The following CCDC191 variants were observed in gnomAD, a reference collection of about 807,000 sequenced individuals.
CCDC191 encodes the protein coiled-coil domain-containing protein 191.
A neutral mutation model predicts 114.0 loss-of-function variants in CCDC191; 99 were observed. The observed-to-expected ratio is 0.87, with a 90% CI of 0.74 to 1.03. The LOEUF is 1.03. Ranked by LOEUF, CCDC191 falls within the 50% of genes least tolerant of loss-of-function variation. The pLI is 0.00. For missense variants in CCDC191, 973 were observed against 1,087.0 expected (o/e 0.90, Z 1.47); for synonymous variants, 351 against 376.0 (o/e 0.93, Z 0.77).
At chr3:114,011,495 G>C (rs116732533) in intron 8 of CCDC191, among the ~76,000 whole-genome samples, 14 of 152,220 alleles carry the variant, frequency 9.2e-5, no homozygotes, top group Admixed American at 9.2e-4. Flanking sequence ...TAAGTAAAAG[G>C]CTTACAAAAA....
chr3:113,968,880 G>C (rs921252751), intron 16 of CCDC191, among the ~76,000 whole-genome samples: 3 of 152,072 alleles, frequency 2.0e-5, no homozygotes, highest in African/African-American at 7.2e-5. Flanking sequence ...AACACCTGAG[G>C]CTGGGTAATT....
In CCDC191 at chr3:113,978,722, AAGCAGTG is replaced by A. The variant is rs1197328006; in HGVS notation, c.2460+129_2460+135del. On this transcript the variant is annotated intron_variant, in intron 15 of 16. Coordinates refer to ENST00000295878, the MANE Select transcript of CCDC191 (RefSeq NM_020817.2). ...ATTTACCATTTTCACATTTATTTCA[AAGCAGTG>A]AATGGGATTGACTACTCTTTTGTTC... 218 of 892,312 alleles carry A rather than the reference AAGCAGTG, an allele frequency of 2.4e-4. No individual in the cohort carries two copies. In the East Asian group the frequency reaches 5.3e-3, roughly 22 times the overall value. The allele number at this position is 892,312 out of a possible 1,614,324, so 55.3% of individuals were successfully genotyped here.
chr3:114,050,584 AGAG>A (rs770470594), intron 2 of CCDC191, among the ~76,000 whole-genome samples: 4 of 152,196 alleles, frequency 2.6e-5, no homozygotes, highest in Non-Finnish European at 5.9e-5. Flanking sequence ...GGCCTCTCAG[AGAG>A]GAGGAGTATT....
chr3:113,999,410 C>T (rs2075807669), intron 13 of CCDC191, among the ~76,000 whole-genome samples: 1 of 152,072 alleles, frequency 6.6e-6, no homozygotes, highest in African/African-American at 2.4e-5. Context: ...TCCTTCCTGC[C>T]AAGGGGAAAC....
chr3:113,998,162 C>T (rs2075771485), intron 13 of CCDC191, among the ~76,000 whole-genome samples: 1 of 151,618 alleles, frequency 6.6e-6, no homozygotes, highest in Admixed American at 6.6e-5. Context: ...AAAAATTAGC[C>T]AGGCGTGGTG....
Position 113,968,460 on chromosome 3 carries a change from CCTT to C in CCDC191, c.2607-3104_2607-3102del, listed in dbSNP as rs143719341. Among the ~76,000 whole-genome samples the C allele has an allele frequency of 6.5e-3, 989 of 151,974 alleles. 35 individuals are homozygous for C. The highest frequency in any genetic ancestry group is 0.056 in the Admixed American group (860 of 15,230). ...AAATGTCTATTTAGATCTTCCCCCC[CCTT>C]TTTTTTTTAGGGCGTCACTCTGTCG... is the stretch of plus-strand genomic sequence containing the variant. On this transcript the variant is annotated intron_variant, in intron 16 of 16. Coordinates refer to ENST00000295878, the MANE Select transcript of CCDC191 (RefSeq NM_020817.2).
intron 16 of CCDC191, among the ~76,000 whole-genome samples, chr3:113,972,263 T>C (rs1355421227): frequency 6.6e-6 from 1 of 152,116 alleles, no homozygotes; most frequent in African/African-American, 2.4e-5. Context: ...CCTATAGATT[T>C]TGATCTATGA....
At chr3:113,974,945 A>C (rs951179493) in intron 16 of CCDC191, among the ~76,000 whole-genome samples, 1 of 152,156 alleles carries the variant, frequency 6.6e-6, no homozygotes, top group African/African-American at 2.4e-5. Context: ...GTATTTTTTT[A>C]TGCTTGGTAA....
At chr3:114,036,310 G>A (rs923873773) in intron 5 of CCDC191, among the ~76,000 whole-genome samples, 11 of 152,018 alleles carry the variant, frequency 7.2e-5, no homozygotes, top group Admixed American at 5.9e-4. Flanking sequence ...CACAATCTAC[G>A]TGTTTATAAT....
rs1469065460 is a variant in CCDC191, at chr3:113,980,712, G to C, written c.2245C>G (p.Leu749Val). ...CAAGGCTCTAGACCTTTTTTCCTTA[G>C]CAAGACCCTTTCATAATGTTCTTTG... ...IAKEHYERVL[L>V]RKKGLEPWKR... is the part of the protein sequence containing the mutation. Residue 749 changes from leucine (L) to valine (V), a missense_variant, in exon 14 of 17, where the codon CTA becomes GTA. Transcript: ENST00000295878. The C allele has an allele frequency of 6.2e-7, 1 of 1,608,250 alleles. No individual in the cohort carries two copies. The highest frequency in any genetic ancestry group is 1.7e-5 in the Admixed American group (1 of 58,698).
Position 114,004,632 on chromosome 3 carries a change from C to T in CCDC191, c.1978+5G>A, listed in dbSNP as rs2075916196. On this transcript the variant is annotated splice_donor_5th_base_variant and intron_variant, in intron 11 of 16. Transcript: ENST00000295878. ...CCACCAAGGCCACCACCGAGACAGCCCTGCCTTTTAGTATGGGATGCGGTG... is the reference window on the plus strand; with the variant it reads ...CCACCAAGGCCACCACCGAGACAGCTCTGCCTTTTAGTATGGGATGCGGTG... 6.8e-6 allele frequency: 11 copies of T among 1,611,520 alleles called. No individual in the cohort carries two copies. Among genetic ancestry groups the T allele is most frequent in the South Asian group, 1.1e-5 (1 of 90,956 alleles).
intron 14 of CCDC191, 49 bp from the exon 15 acceptor site, chr3:113,979,059 T>C (rs924130825): frequency 6.4e-7 from 1 of 1,550,690 alleles, no homozygotes; most frequent in African/African-American, 1.4e-5. Flanking sequence ...TTTTAAATCA[T>C]TTAAACAAAC....
rs766624587 is a variant in CCDC191 at position 113,978,857 on chromosome 3, C to T, written c.2460+1G>A. The T allele has an allele frequency of 5.0e-6, 8 of 1,613,634 alleles. No homozygotes were observed. The East Asian group carries it at 1.6e-4, about 31-fold the overall frequency. ...TAAGGTACCCTTCCCTATGTCCTTA[C>T]CTGTAGCCAGCTCTGGATGACTCTC... On this transcript the variant is annotated splice_donor_variant, in intron 15 of 16. Coordinates refer to ENST00000295878, the MANE Select transcript of CCDC191 (RefSeq NM_020817.2). LOFTEE classifies it high-confidence loss of function.
intron 5 of CCDC191, 138 bp downstream of exon 5, chr3:114,036,467 ATTT>A (rs2076485200): frequency 2.0e-6 from 1 of 487,960 alleles, no homozygotes; most frequent in Non-Finnish European, 3.5e-6. Flanking sequence ...AAGTTCTTAT[ATTT>A]TATTTTTATT....
intron 4 of CCDC191, 51 bp downstream of exon 4, chr3:114,042,652 T>A (rs371703820): frequency 9.4e-5 from 133 of 1,419,308 alleles, no homozygotes; most frequent in Non-Finnish European, 1.2e-4. Context: ...AAAGACTTCT[T>A]AGACACATTC....
chr3:113,978,750 T>G, intron 15 of CCDC191, 108 bp downstream of exon 15: 1 of 1,217,820 alleles, frequency 8.2e-7, no homozygotes, highest in Non-Finnish European at 1.2e-6. Context: ...ACTACTCTTT[T>G]GTTCTTGAAA....
intron 4 of CCDC191, among the ~76,000 whole-genome samples, chr3:114,041,820 A>C (rs1462673894): frequency 6.6e-5 from 10 of 152,162 alleles, no homozygotes; most frequent in Admixed American, 6.5e-4. Context: ...CAGACCCTTG[A>C]GTGTATTAGA....
In CCDC191 at chr3:114,035,031, T is replaced by G. The variant is rs1267283397; in HGVS notation, c.712A>C (p.Lys238Gln). 2 of 1,614,104 alleles carry G rather than the reference T, an allele frequency of 1.2e-6. No homozygotes were observed. The highest frequency in any genetic ancestry group is 3.3e-5 in the Admixed American group (2 of 59,996). ...QCLVQEEKKRKALEAKKEEEE... is the reference protein window; with the variant it reads ...QCLVQEEKKRQALEAKKEEEE... ...TCCTCTTTCTTGGCCTCCAGAGCCT[T>G]CCTTTTCTTCTCTTCTTGCACCAGA... Residue 238 changes from lysine to glutamine, a missense_variant, in exon 6 of 17, where the codon AAG becomes CAG. Physicochemically the swap from Lys to Gln is moderately conservative, Grantham distance 53 (BLOSUM62 1). Transcript: ENST00000295878.
In CCDC191 at chr3:114,053,375, A is replaced by G. The variant is rs1030830263; in HGVS notation, c.129+222T>C. 1.2e-4 allele frequency among the ~76,000 whole-genome samples: 19 copies of G among 152,336 alleles called. 1 individual carries two copies. Among genetic ancestry groups the G allele is most frequent in the African/African-American group, 4.3e-4 (18 of 41,570 alleles). ...ACTCATGGCATTTGAAACGAAGTCT[A>G]CACACCTGTTTTCTTGTCATTCCTA... On this transcript the variant is annotated intron_variant, in intron 2 of 16. Transcript: ENST00000295878.
Sources: gnomAD v4.1 joint callset for allele counts (sites outside exome capture counted in the v4.1 genomes callset) on GRCh38, gnomAD v4.1.1 for gene constraint, MANE v1.5 for transcripts, NCBI Gene and HGNC (gene_info 2026-07-23, HGNC 2026-07-21) for gene names.